FGD4: variants seen among roughly 807,000 people sequenced by gnomAD.
The protein encoded by FGD4 is FYVE, RhoGEF and PH domain-containing protein 4.
Under a neutral mutation model 102.0 loss-of-function variants are expected in FGD4, and 42 were observed. That is an observed-to-expected ratio of 0.41 (90% confidence interval 0.32 to 0.53). The LOEUF (loss-of-function observed/expected upper bound fraction) is 0.53. Among genes scored for constraint, FGD4 ranks in the 20% least tolerant of loss-of-function variants. The pLI is 0.21. For synonymous variants in FGD4, 380 were observed against 375.7 expected, an observed-to-expected ratio of 1.01 and a Z score of -0.13; for missense variants, 902 against 1,078.2, an observed-to-expected ratio of 0.84 and a Z score of 2.29.
rs1290363482 is a variant in FGD4 at position 32,399,707 on chromosome 12, C to T, written c.-87C>T. 1.3e-6 allele frequency: 2 copies of T among 1,483,384 alleles called. No homozygotes were observed. The highest frequency in any genetic ancestry group is 2.6e-5 in the South Asian group (2 of 76,318). The allele number at this position is 1,483,384 out of a possible 1,614,324, so 91.9% of individuals were successfully genotyped here. A position where few individuals can be genotyped will look rare whatever the true frequency, so the allele number is the denominator to read the frequency against. The stretch of plus-strand genomic sequence containing the variant: ...GGGCGCCCCCGGAGTCGCGCCGAAC[C>T]TGGGCATGCAGGCGACGCCCCCCAG... On this transcript the variant is annotated 5_prime_UTR_variant, in exon 1 of 17. Coordinates refer to ENST00000534526, the MANE Select transcript of FGD4 (RefSeq NM_001370298.3).
chr12:32,444,235 G>T (rs1942543388), intron 1 of FGD4, among the ~76,000 whole-genome samples: 1 of 151,912 alleles, frequency 6.6e-6, no homozygotes. Flanking sequence ...TGTTGCCCAG[G>T]CTAGTCTTGA....
intron 1 of FGD4, among the ~76,000 whole-genome samples, chr12:32,527,951 CTTTTTCT>C (rs1193792212): frequency 1.3e-5 from 2 of 151,484 alleles, no homozygotes; most frequent in Non-Finnish European, 2.9e-5. Context: ...ATAAAATTTC[CTTTTTCT>C]TTTTTCTTTT....
intron 1 of FGD4, chr12:32,502,351 A>G: frequency 1.0e-6 from 1 of 985,276 alleles, no homozygotes; most frequent in Non-Finnish European, 1.2e-6. Flanking sequence ...AAGTAACCCT[A>G]GTAATATGTA....
At chr12:32,435,171 G>A (rs895984123) in intron 1 of FGD4, among the ~76,000 whole-genome samples, 19 of 152,196 alleles carry the variant, frequency 1.2e-4, no homozygotes, top group African/African-American at 4.1e-4. Flanking sequence ...TCGAACTCCC[G>A]ACTTCAGGTG....
At chr12:32,413,810 GA>G (rs1420917434) in intron 1 of FGD4, among the ~76,000 whole-genome samples, 1 of 152,096 alleles carries the variant, frequency 6.6e-6, no homozygotes, top group Non-Finnish European at 1.5e-5. Context: ...ATATTTTACA[GA>G]ATTTGCTTTT....
chr12:32,496,464 GTCTT>G (rs780801432), intron 1 of FGD4, among the ~76,000 whole-genome samples: 47 of 152,230 alleles, frequency 3.1e-4, no homozygotes, highest in Non-Finnish European at 5.4e-4. Context: ...AGAGTTAAAA[GTCTT>G]TATTTCTTAT....
intron 1 of FGD4, among the ~76,000 whole-genome samples, chr12:32,405,602 C>T (rs1399275598): frequency 2.0e-5 from 3 of 152,132 alleles, no homozygotes; most frequent in African/African-American, 7.2e-5. Context: ...ACTTGTGGAC[C>T]TAAGAGCATT....
intron 1 of FGD4, among the ~76,000 whole-genome samples, chr12:32,431,231 T>A (rs892663171): frequency 2.0e-5 from 3 of 152,228 alleles, no homozygotes; most frequent in African/African-American, 4.8e-5. Flanking sequence ...TGTTAGGTGC[T>A]TCTCTGCCTC....
chr12:32,568,209 C>A (rs1211844014), intron 2 of FGD4, among the ~76,000 whole-genome samples: 1 of 152,178 alleles, frequency 6.6e-6, no homozygotes, highest in African/African-American at 2.4e-5. Flanking sequence ...CAGCCCTTTG[C>A]TATTTCAAAA....
intron 1 of FGD4, among the ~76,000 whole-genome samples, chr12:32,438,776 T>C (rs541020128): frequency 4.2e-4 from 64 of 152,098 alleles, no homozygotes; most frequent in African/African-American, 1.5e-3. Flanking sequence ...CAGCTAATTT[T>C]CTGTGTTTTT....
At chr12:32,620,529 T>TTCTTTTTTTC (rs1327680629) in intron 11 of FGD4, among the ~76,000 whole-genome samples, 3 of 138,212 alleles carry the variant, frequency 2.2e-5, no homozygotes, top group African/African-American at 8.2e-5. Context: ...TCTTTTTTTT[T>TTCTTTTTTTC]TTTTTTTTTT....
At chr12:32,420,825 A>G (rs984520255) in intron 1 of FGD4, among the ~76,000 whole-genome samples, 1 of 152,182 alleles carries the variant, frequency 6.6e-6, no homozygotes, top group African/African-American at 2.4e-5. Context: ...GGCTCAATAG[A>G]TATTGAATAA....
intron 1 of FGD4, among the ~76,000 whole-genome samples, chr12:32,446,139 G>A (rs1486611840): frequency 1.3e-5 from 2 of 152,170 alleles, no homozygotes; most frequent in East Asian, 1.9e-4. Flanking sequence ...GGGCAACTGC[G>A]GTGAGACCTT....
At chr12:32,589,429 T>A (rs140479376) in intron 4 of FGD4, among the ~76,000 whole-genome samples, 21 of 152,348 alleles carry the variant, frequency 1.4e-4, no homozygotes, top group African/African-American at 4.6e-4. Context: ...GTACTCTCAT[T>A]AGTGTATACA....
At chr12:32,469,682 G>A (rs762377767) in intron 1 of FGD4, among the ~76,000 whole-genome samples, 2 of 146,214 alleles carry the variant, frequency 1.4e-5, no homozygotes, top group South Asian at 2.2e-4. Flanking sequence ...TTTTTGAGAC[G>A]GAGTTTTGCT....
Position 32,506,816 on chromosome 12 carries a change from G to T in FGD4, c.167-57321G>T, listed in dbSNP as rs11052034. Among the ~76,000 whole-genome samples, 71,599 of 151,988 alleles carry T rather than the reference G, an allele frequency of 0.47. 18,192 individuals carry two copies. Among genetic ancestry groups the T allele is most frequent in the Middle Eastern group, 0.66 (195 of 294 alleles). ...ATTTACCTAGTAGTGGGAAGAGACAGAATACAAAAGTAAAGAGATAAGTAA... is the reference window on the plus strand; with the variant it reads ...ATTTACCTAGTAGTGGGAAGAGACATAATACAAAAGTAAAGAGATAAGTAA... On this transcript the variant is annotated intron_variant, in intron 1 of 16. Transcript: ENST00000534526. The surrounding 1 kb of genome is among the most constrained non-coding windows in gnomAD (Gnocchi z 4.5).
chr12:32,549,348 G>A (rs535291542), intron 1 of FGD4, among the ~76,000 whole-genome samples: 30 of 152,222 alleles, frequency 2.0e-4, no homozygotes, highest in African/African-American at 6.0e-4. Context: ...ATTCATTTTC[G>A]CCTGGCTCTT....
rs533568625 is a variant in FGD4 at position 32,458,416 on chromosome 12, C to T, written c.166+58457C>T. Among the ~76,000 whole-genome samples the T allele has an allele frequency of 1.5e-4, 23 of 152,120 alleles. No individual in the cohort carries two copies. The South Asian group carries it at 4.8e-3, about 32-fold the overall frequency. On this transcript the variant is annotated intron_variant, in intron 1 of 16. Coordinates refer to ENST00000534526, the MANE Select transcript of FGD4 (RefSeq NM_001370298.3). The stretch of plus-strand genomic sequence containing the variant: ...GCTCTTGAACTGGGCTGAAGTGATC[C>T]TCCTGCCTTGGCCTCCCAAAGTGCT...
At chr12:32,514,554 C>T (rs770819359) in intron 1 of FGD4, among the ~76,000 whole-genome samples, 1 of 152,048 alleles carries the variant, frequency 6.6e-6, no homozygotes, top group African/African-American at 2.4e-5. Context: ...CTCTGTCTCC[C>T]AGGCTGGAGT....
Sources: gnomAD v4.1 joint callset for allele counts (sites outside exome capture counted in the v4.1 genomes callset) on GRCh38, gnomAD v4.1.1 for gene constraint, Gnocchi (gnomAD v3.1) non-coding constraint, MANE v1.5 for transcripts, NCBI Gene and HGNC (gene_info 2026-07-23, HGNC 2026-07-21) for gene names.